Variants in CENPP observed in about 807,000 individuals in gnomAD.
CENPP encodes the protein centromere protein P.
CENPP carries 24 observed loss-of-function variants against 35.6 expected under a neutral mutation model. The ratio of observed to expected loss-of-function variants is 0.67; its 90% confidence interval spans 0.49 to 0.95. The LOEUF (loss-of-function observed/expected upper bound fraction) is 0.95. CENPP is among the 40% of genes least tolerant of loss of function. CENPP has a pLI of 0.00. For missense variants in CENPP, 332 were observed against 345.3 expected (o/e 0.96, Z 0.31); for synonymous variants, 120 against 125.5 (o/e 0.96, Z 0.29).
At chr9:92,359,172 C>T (rs1324602733) in intron 4 of CENPP, among the ~76,000 whole-genome samples, 1 of 152,030 alleles carries the variant, frequency 6.6e-6, no homozygotes, top group Admixed American at 6.6e-5. Flanking sequence ...TGGTCTTGAA[C>T]TCCCGGCCTC....
chr9:92,519,177 A>G (rs12338938), intron 5 of CENPP, among the ~76,000 whole-genome samples: 63,776 of 151,944 alleles, frequency 0.42, 15,668 homozygotes, highest in African/African-American at 0.68. Context: ...CTCTCATTCG[A>G]ATACTTGCAA....
intron 5 of CENPP, among the ~76,000 whole-genome samples, chr9:92,535,054 C>G (rs72754443): frequency 0.04 from 6,060 of 152,236 alleles, 183 homozygotes; most frequent in South Asian, 0.099. Context: ...GAGCACACCC[C>G]TCTCTCCCAG....
At chr9:92,547,803 C>T (rs781376891) in intron 5 of CENPP, among the ~76,000 whole-genome samples, 9 of 152,084 alleles carry the variant, frequency 5.9e-5, no homozygotes, top group Non-Finnish European at 1.2e-4. Context: ...TTTTATGGTA[C>T]GTAAATTATA....
chr9:92,452,742 G>A (rs1588139206), intron 5 of CENPP, among the ~76,000 whole-genome samples: 1 of 152,162 alleles, frequency 6.6e-6, no homozygotes, highest in Admixed American at 6.6e-5. Flanking sequence ...ACTCTTTTTG[G>A]TTGGTAAGCT....
intron 5 of CENPP, among the ~76,000 whole-genome samples, chr9:92,419,366 T>A (rs1297195030): frequency 6.7e-6 from 1 of 149,506 alleles, no homozygotes; most frequent in African/African-American, 2.5e-5. Context: ...AGTGGTGCGA[T>A]CTCGGCTCAC....
In CENPP at chr9:92,443,923, A is replaced by G. The variant is rs111309743; in HGVS notation, c.564+64064A>G. On this transcript the variant is annotated intron_variant, in intron 5 of 7. Transcript: ENST00000375587. ...GGCAGTCCACCCACTTCGGCCTCCC[A>G]AAGTGCTGGGCTTACAGGCATGAGC... is the stretch of plus-strand genomic sequence containing the variant. 4.8e-3 allele frequency among the ~76,000 whole-genome samples: 733 copies of G among 152,282 alleles called. 4 individuals carry two copies. The highest frequency in any genetic ancestry group is 0.015 in the African/African-American group (638 of 41,558).
intron 5 of CENPP, among the ~76,000 whole-genome samples, chr9:92,582,283 C>T (rs1850445808): frequency 6.6e-6 from 1 of 152,150 alleles, no homozygotes; most frequent in Admixed American, 6.6e-5. Context: ...GTCTCGAACT[C>T]CTGAGCTCAG....
chr9:92,555,214 ATTTTTTTTT>A (rs34701393), intron 5 of CENPP, among the ~76,000 whole-genome samples: 1 of 63,440 alleles, frequency 1.6e-5, no homozygotes, highest in East Asian at 6.1e-4. Context: ...TTTTTTGGAA[ATTTTTTTTT>A]TTTTTTTTTT....
At chr9:92,566,257 G>A (rs1271822387) in intron 5 of CENPP, among the ~76,000 whole-genome samples, 2 of 150,598 alleles carry the variant, frequency 1.3e-5, no homozygotes, top group Admixed American at 6.6e-5. Context: ...CAAAGATTGC[G>A]CCATTGCACT....
intron 5 of CENPP, chr9:92,470,845 G>A: frequency 1.0e-6 from 1 of 967,484 alleles, no homozygotes; most frequent in Non-Finnish European, 1.6e-6. Context: ...TACTAATATG[G>A]TAGAAATATA....
At chr9:92,509,038 G>T (rs1298751717) in intron 5 of CENPP, among the ~76,000 whole-genome samples, 1 of 151,694 alleles carries the variant, frequency 6.6e-6, no homozygotes, top group African/African-American at 2.4e-5. Context: ...ATGTGATAAA[G>T]CCTCTTCTAT....
At chr9:92,404,402 C>T in intron 5 of CENPP, 1 of 771,832 alleles carries the variant, frequency 1.3e-6, no homozygotes, top group Non-Finnish European at 1.8e-6. Context: ...GAAACTTAAA[C>T]CAGAGATGGC....
intron 5 of CENPP, among the ~76,000 whole-genome samples, chr9:92,603,156 G>A (rs1850973295): frequency 6.6e-6 from 1 of 152,206 alleles, no homozygotes; most frequent in South Asian, 2.1e-4. Context: ...AAGTCATATA[G>A]CCAATCAACA....
chr9:92,386,228 T>C (rs1206432818), intron 5 of CENPP: 1 of 1,612,582 alleles, frequency 6.2e-7, no homozygotes, highest in Admixed American at 1.7e-5. Context: ...GTAGACTTTC[T>C]GGTAAATTAA....
chr9:92,582,494 A>G (rs1176988091), intron 5 of CENPP, among the ~76,000 whole-genome samples: 1 of 152,202 alleles, frequency 6.6e-6, no homozygotes, highest in African/African-American at 2.4e-5. Context: ...CAAGATAACA[A>G]GTGTAAAACT....
intron 5 of CENPP, among the ~76,000 whole-genome samples, chr9:92,565,109 C>T (rs1173839841): frequency 6.6e-6 from 1 of 151,862 alleles, no homozygotes; most frequent in Non-Finnish European, 1.5e-5. Flanking sequence ...TATCTCCCTA[C>T]CTCAACAACA....
rs562828491 is a variant in CENPP at position 92,331,856 on chromosome 9, G to A, written c.108-314G>A. On this transcript the variant is annotated intron_variant, in intron 1 of 7. Coordinates refer to ENST00000375587, the MANE Select transcript of CENPP (RefSeq NM_001012267.3). Reference sequence around the variant, plus strand: ...CATACCTGTGGTCCCAGCTACTCAGGAGGATCCTTTGAGCCTGGGAGTTCA... The same window carrying A: ...CATACCTGTGGTCCCAGCTACTCAGAAGGATCCTTTGAGCCTGGGAGTTCA... Among the ~76,000 whole-genome samples, 3 of 152,186 alleles carry A rather than the reference G, an allele frequency of 2.0e-5. No homozygotes were observed. In the East Asian group the frequency reaches 5.8e-4, roughly 30 times the overall value.
intron 5 of CENPP, among the ~76,000 whole-genome samples, chr9:92,381,897 CTTTT>C (rs79507211): frequency 2.2e-5 from 3 of 133,698 alleles, no homozygotes; most frequent in Non-Finnish European, 4.8e-5. Flanking sequence ...TTATTTTCTG[CTTTT>C]TTTTTTTTTT....
chr9:92,560,586 A>ATC (rs1466584217), intron 5 of CENPP, among the ~76,000 whole-genome samples: 1 of 152,142 alleles, frequency 6.6e-6, no homozygotes, highest in Non-Finnish European at 1.5e-5. Context: ...AGTTTATATA[A>ATC]TCTTAATCTG....
Sources: allele counts gnomAD v4.1 joint callset (sites outside exome capture counted in the v4.1 genomes callset), GRCh38; gene constraint gnomAD v4.1.1; transcripts MANE v1.5; gene names NCBI Gene and HGNC (gene_info 2026-07-23, HGNC 2026-07-21).